The following ABTB2 variants were observed in gnomAD, a reference collection of about 807,000 sequenced individuals.
ABTB2 encodes ankyrin repeat and BTB domain containing 2.
ABTB2 carries 56 observed loss-of-function variants against 104.1 expected under a neutral mutation model. That is an observed-to-expected ratio of 0.54 (90% CI 0.43 to 0.67). ABTB2 has a LOEUF of 0.67. Ranked by LOEUF, ABTB2 falls within the 30% of genes least tolerant of loss-of-function variation. The probability of loss-of-function intolerance (pLI) is 0.00; values close to 1 mark genes in which losing one functional copy is unlikely to be tolerated. For synonymous variants in ABTB2, 606 were observed against 608.2 expected, an observed-to-expected ratio of 1.00 and a Z score of 0.05; for missense variants, 1,279 against 1,407.7, an observed-to-expected ratio of 0.91 and a Z score of 1.46.
Position 34,249,010 on chromosome 11 carries a change from T to A in ABTB2, c.884-44320A>T, listed in dbSNP as rs145938543. 6.6e-5 allele frequency among the ~76,000 whole-genome samples: 10 copies of A among 152,314 alleles called. No individual in the cohort carries two copies. The East Asian group carries it at 1.9e-3, about 29-fold the overall frequency. On this transcript the variant is annotated intron_variant, in intron 1 of 16. Transcript: ENST00000435224. ...CCGGGCGTGGTGGCACATGCTGTAA[T>A]CCCAGCTACTCAGGAGGCTGAGGCA...
intron 1 of ABTB2, among the ~76,000 whole-genome samples, chr11:34,310,090 G>T (rs1854831335): frequency 1.3e-5 from 2 of 152,150 alleles, no homozygotes; most frequent in Non-Finnish European, 2.9e-5. Flanking sequence ...GCATCTAAAA[G>T]GGGGAGGAGC....
At chr11:34,247,435 TCAAC>T (rs1853999713) in intron 1 of ABTB2, among the ~76,000 whole-genome samples, 1 of 152,264 alleles carries the variant, frequency 6.6e-6, no homozygotes, top group Admixed American at 6.5e-5. Flanking sequence ...CATGAGATAT[TCAAC>T]ACTTTATTAT....
intron 1 of ABTB2, among the ~76,000 whole-genome samples, chr11:34,346,283 T>C (rs1855330743): frequency 6.6e-6 from 1 of 152,118 alleles, no homozygotes; most frequent in Non-Finnish European, 1.5e-5. Flanking sequence ...ATTTTTTTTT[T>C]CTAGCTGCTC....
chr11:34,327,188 T>C (rs1326299931), intron 1 of ABTB2, among the ~76,000 whole-genome samples: 1 of 152,232 alleles, frequency 6.6e-6, no homozygotes, highest in Admixed American at 6.5e-5. Context: ...GAATACGATA[T>C]AGGCTAGTTA....
At chr11:34,330,393 C>T (rs1855114181) in intron 1 of ABTB2, among the ~76,000 whole-genome samples, 1 of 152,136 alleles carries the variant, frequency 6.6e-6, no homozygotes, top group South Asian at 2.1e-4. Flanking sequence ...AGTATTGTTG[C>T]ACAGAGTTAT....
At chr11:34,305,864 T>C (rs1298760300) in intron 1 of ABTB2, among the ~76,000 whole-genome samples, 1 of 152,218 alleles carries the variant, frequency 6.6e-6, no homozygotes, top group Admixed American at 6.5e-5. Context: ...ATGTATCACC[T>C]AAGACAAAAG....
intron 1 of ABTB2, among the ~76,000 whole-genome samples, chr11:34,232,458 A>C (rs947113005): frequency 6.6e-6 from 1 of 151,342 alleles, no homozygotes; most frequent in African/African-American, 2.4e-5. Flanking sequence ...TCAAAAAAAA[A>C]AAAAAAAATT....
At chr11:34,264,343 T>C (rs1854222757) in intron 1 of ABTB2, among the ~76,000 whole-genome samples, 1 of 152,228 alleles carries the variant, frequency 6.6e-6, no homozygotes, top group Non-Finnish European at 1.5e-5. Context: ...CATGGCGATG[T>C]GTCTCTGTGC....
At chr11:34,261,368 TA>T (rs1177055442) in intron 1 of ABTB2, among the ~76,000 whole-genome samples, 1 of 152,206 alleles carries the variant, frequency 6.6e-6, no homozygotes, top group African/African-American at 2.4e-5. Flanking sequence ...TTGACAAAAC[TA>T]TTTACAATGG....
chr11:34,168,985 A>G (rs563019662), intron 5 of ABTB2, among the ~76,000 whole-genome samples: 52 of 152,372 alleles, frequency 3.4e-4, no homozygotes, highest in Middle Eastern at 6.8e-3. Flanking sequence ...ATCCTTGCCT[A>G]GTGGCCAGAG....
At chr11:34,337,919 A>G (rs566478916) in intron 1 of ABTB2, among the ~76,000 whole-genome samples, 4 of 152,252 alleles carry the variant, frequency 2.6e-5, no homozygotes, top group African/African-American at 9.6e-5. Flanking sequence ...TACCACCCAC[A>G]GAGAAGACCC....
chr11:34,161,200 G>GCCCGCCCCCT (rs1852716856), intron 10 of ABTB2, 119 bp from the exon 11 acceptor site: 4 of 1,020,690 alleles, frequency 3.9e-6, no homozygotes, highest in Non-Finnish European at 5.4e-6. Context: ...AGAGCACCCC[G>GCCCGCCCCCT]CCCGCCCCCT....
At chr11:34,279,611 A>C (rs909078585) in intron 1 of ABTB2, among the ~76,000 whole-genome samples, 1 of 152,068 alleles carries the variant, frequency 6.6e-6, no homozygotes, top group East Asian at 1.9e-4. Flanking sequence ...ACTTTATACT[A>C]TGTACAGTGG....
At chr11:34,298,412 CTTTT>C (rs200966756) in intron 1 of ABTB2, among the ~76,000 whole-genome samples, 9 of 129,094 alleles carry the variant, frequency 7.0e-5, no homozygotes, top group Non-Finnish European at 1.3e-4. Flanking sequence ...GATCTTGTTT[CTTTT>C]TTTTTTTTTA....
Position 34,268,446 on chromosome 11 carries a change from C to T in ABTB2, c.884-63756G>A, listed in dbSNP as rs546113392. Among the ~76,000 whole-genome samples, 8 of 152,310 alleles carry T rather than the reference C, an allele frequency of 5.3e-5. No homozygotes were observed. The South Asian group carries it at 1.2e-3, about 24-fold the overall frequency. On this transcript the variant is annotated intron_variant, in intron 1 of 16. Coordinates refer to ENST00000435224, the MANE Select transcript of ABTB2 (RefSeq NM_145804.3). ...TTTCCCAGATCATCCACTGCAGCAG[C>T]GTGGAATCAGAGGGCCTGGGTTTGA...
Position 34,260,862 on chromosome 11 carries a change from T to G in ABTB2, c.884-56172A>C, listed in dbSNP as rs771233907. On this transcript the variant is annotated intron_variant, in intron 1 of 16. Coordinates refer to ENST00000435224, the MANE Select transcript of ABTB2 (RefSeq NM_145804.3). ...AGCCACACGTCCTTGTCCTGTGGGG[T>G]GTATAGCTTTCTCCCATCTAAATGA... Among the ~76,000 whole-genome samples, 41 of 152,154 alleles carry G rather than the reference T, an allele frequency of 2.7e-4. 2 individuals carry two copies. The highest frequency in any genetic ancestry group is 3.3e-4 in the Admixed American group (5 of 15,278).
At chr11:34,308,316 C>A (rs1018411253) in intron 1 of ABTB2, among the ~76,000 whole-genome samples, 1 of 152,188 alleles carries the variant, frequency 6.6e-6, no homozygotes, top group Non-Finnish European at 1.5e-5. Flanking sequence ...AAGAAGATGG[C>A]TGATTTTATT....
intron 3 of ABTB2, among the ~76,000 whole-genome samples, 189 bp downstream of exon 3, chr11:34,197,136 A>C (rs536296002): frequency 1.3e-5 from 2 of 152,090 alleles, no homozygotes; most frequent in Non-Finnish European, 1.5e-5. Flanking sequence ...AGAGGAAAAA[A>C]AAATCCCACT....
Position 34,161,017 on chromosome 11 carries a change from G to C in ABTB2, c.2283C>G (p.Tyr761Ter). 6.2e-7 allele frequency: 1 copy of C among 1,613,620 alleles called. No homozygotes were observed. Among genetic ancestry groups the C allele is most frequent in the Non-Finnish European group, 8.5e-7 (1 of 1,179,840 alleles). The change falls in exon 11 of 17, where the codon TAC becomes TAG. Residue 761 changes from tyrosine to a stop codon, truncating the protein, a stop_gained. Coordinates refer to ENST00000435224, the MANE Select transcript of ABTB2 (RefSeq NM_145804.3). LOFTEE classifies it high-confidence loss of function. ...CCCGCAGGAGGCTCTGCACCACCGAGTACCGCGACTGCGAGAACGAGGTCC... is the reference window on the plus strand; with the variant it reads ...CCCGCAGGAGGCTCTGCACCACCGACTACCGCGACTGCGAGAACGAGGTCC... ...SLRTSFSQSR[Y>*]SVVQSLLRDF...
Sources: allele counts gnomAD v4.1 joint callset (sites outside exome capture counted in the v4.1 genomes callset), GRCh38; gene constraint gnomAD v4.1.1; transcripts MANE v1.5; gene names NCBI Gene and HGNC (gene_info 2026-07-23, HGNC 2026-07-21).